Variants in ACVR2A observed in about 807,000 individuals in gnomAD.
The protein encoded by ACVR2A is activin receptor type-2A.
In ACVR2A, 7 loss-of-function variants were observed where a neutral mutation model predicts 61.4. That is an observed-to-expected ratio of 0.11 (90% CI 0.06 to 0.21). ACVR2A has a LOEUF of 0.21. ACVR2A is among the 10% of genes least tolerant of loss of function. The pLI, the probability that ACVR2A is intolerant of heterozygous loss-of-function variation, is 1.00. For synonymous variants in ACVR2A, 193 were observed against 208.3 expected, an observed-to-expected ratio of 0.93 and a Z score of 0.63; for missense variants, 322 against 621.7, an observed-to-expected ratio of 0.52 and a Z score of 5.13.
rs1397173111 is a variant in ACVR2A, at chr2:147,927,499, T to C, written c.*225T>C. The C allele has an allele frequency of 2.5e-6, 1 of 402,824 alleles. No homozygotes were observed. Among genetic ancestry groups the C allele is most frequent in the Admixed American group, 4.5e-5 (1 of 22,062 alleles). The allele number at this position is 402,824 out of a possible 1,614,324, so 25.0% of individuals were successfully genotyped here. A position where few individuals can be genotyped will look rare whatever the true frequency, so the allele number is the denominator to read the frequency against. On this transcript the variant is annotated 3_prime_UTR_variant, in exon 11 of 11. Transcript: ENST00000241416. ...ACTAAGAGAAACCTTGCAAACTCTA[T>C]AAAGAAACTTTTGAAAAAGTGTACA...
intron 4 of ACVR2A, among the ~76,000 whole-genome samples, chr2:147,912,770 T>C (rs1031257094): frequency 4.6e-5 from 7 of 151,960 alleles, no homozygotes; most frequent in Admixed American, 3.9e-4. Flanking sequence ...CTTTGTGTAT[T>C]AAAGAATATT....
At chr2:147,875,511 A>G (rs1485567401) in intron 1 of ACVR2A, among the ~76,000 whole-genome samples, 1 of 152,096 alleles carries the variant, frequency 6.6e-6, no homozygotes, top group Non-Finnish European at 1.5e-5. Context: ...ACTGCTTATT[A>G]AAAATGCAGA....
chr2:147,883,553 G>A (rs1204085746), intron 1 of ACVR2A, among the ~76,000 whole-genome samples: 2 of 152,012 alleles, frequency 1.3e-5, no homozygotes, highest in Non-Finnish European at 2.9e-5. Context: ...AAGACATTGA[G>A]ATTTTTTTTT....
rs13430086 is a variant in ACVR2A at position 147,929,492 on chromosome 2, A to T, written c.*2218A>T. The T allele has an allele frequency of 0.3, 45,792 of 152,284 alleles. 8,453 individuals are homozygous for T. The highest frequency in any genetic ancestry group is 0.47 in the South Asian group (2,256 of 4,818). The allele number at this position is 152,284 out of a possible 1,614,324, so 9.4% of individuals were successfully genotyped here. A position where few individuals can be genotyped will look rare whatever the true frequency, so the allele number is the denominator to read the frequency against. On this transcript the variant is annotated 3_prime_UTR_variant, in exon 11 of 11. Coordinates refer to ENST00000241416, the MANE Select transcript of ACVR2A (RefSeq NM_001616.5). ...ATAAAATGTTTTCAAGTTAGAAAAAATTTTTAGAAATCCTGGGTATTGTAT... is the reference window on the plus strand; with the variant it reads ...ATAAAATGTTTTCAAGTTAGAAAAATTTTTTAGAAATCCTGGGTATTGTAT...
chr2:147,844,769 C>T, upstream of ACVR2A: 1 of 163,152 alleles, frequency 6.1e-6, no homozygotes, highest in East Asian at 1.7e-4. Flanking sequence ...GACGCCGCTG[C>T]CGCCGCCGCC....
intron 3 of ACVR2A, 74 bp from the exon 4 acceptor site, chr2:147,899,670 T>G (rs1278338281): frequency 1.7e-5 from 27 of 1,588,590 alleles, no homozygotes; most frequent in Non-Finnish European, 2.0e-5. Flanking sequence ...CCCCAAAATT[T>G]GAGACTATGA....
At chr2:147,889,834 G>C (rs1686539413) in intron 1 of ACVR2A, among the ~76,000 whole-genome samples, 2 of 150,948 alleles carry the variant, frequency 1.3e-5, no homozygotes, top group African/African-American at 4.9e-5. Flanking sequence ...TTTTTTAATG[G>C]TAGGAAGAAT....
chr2:147,878,875 C>T (rs758400227), intron 1 of ACVR2A, among the ~76,000 whole-genome samples: 1 of 151,860 alleles, frequency 6.6e-6, no homozygotes, highest in Non-Finnish European at 1.5e-5. Flanking sequence ...TGCCACTGCA[C>T]TCCAGCCTGG....
In ACVR2A at chr2:147,923,036, G is replaced by A; in HGVS notation, c.1141G>A (p.Ala381Thr). Residue 381 changes from alanine to threonine, a missense_variant, in exon 9 of 11, where the codon GCA becomes ACA. Ala to Thr is a moderately conservative substitution (Grantham distance 58). This residue lies in a region of ACVR2A where 146 missense variants were observed against 383.8 expected (regional missense o/e 0.38). Coordinates refer to ENST00000241416, the MANE Select transcript of ACVR2A (RefSeq NM_001616.5). Reference sequence around the variant, plus strand: ...GGGTGCTATAAACTTCCAAAGGGATGCATTTTTGAGGATAGATATGTATGC... The same window carrying A: ...GGGTGCTATAAACTTCCAAAGGGATACATTTTTGAGGATAGATATGTATGC... ...LEGAINFQRD[A>T]FLRIDMYAMG... is the part of the protein sequence containing the mutation. 3 of 1,613,422 alleles carry A rather than the reference G, an allele frequency of 1.9e-6. No homozygotes were observed. Among genetic ancestry groups the A allele is most frequent in the Non-Finnish European group, 1.7e-6 (2 of 1,179,550 alleles).
intron 1 of ACVR2A, 141 bp downstream of exon 1, chr2:147,845,348 G>GCCCCCCCCCC (rs557975990): frequency 3.0e-5 from 7 of 231,112 alleles, no homozygotes; most frequent in African/African-American, 2.8e-4. Flanking sequence ...GGCTGCCACC[G>GCCCCCCCCCC]CCCCCCCCCC....
intron 4 of ACVR2A, among the ~76,000 whole-genome samples, chr2:147,907,608 G>C (rs1687017573): frequency 6.6e-6 from 1 of 152,204 alleles, no homozygotes; most frequent in African/African-American, 2.4e-5. Flanking sequence ...GGCATTCATA[G>C]ATGAAGTGAC....
At chr2:147,914,993 C>T (rs1468990830) in intron 4 of ACVR2A, among the ~76,000 whole-genome samples, 198 bp from the exon 5 acceptor site, 1 of 151,914 alleles carries the variant, frequency 6.6e-6, no homozygotes, top group Non-Finnish European at 1.5e-5. Context: ...TTATGAAACT[C>T]TGAATTCAGG....
At chr2:147,858,455 T>C (rs1373626638) in intron 1 of ACVR2A, among the ~76,000 whole-genome samples, 1 of 152,212 alleles carries the variant, frequency 6.6e-6, no homozygotes, top group Non-Finnish European at 1.5e-5. Context: ...AGGCTCTGTA[T>C]GATATGGCCC....
intron 1 of ACVR2A, among the ~76,000 whole-genome samples, chr2:147,870,758 C>T (rs1295503620): frequency 6.6e-6 from 1 of 152,024 alleles, no homozygotes; most frequent in Non-Finnish European, 1.5e-5. Context: ...AATGAGTTTC[C>T]TTTTTCATTA....
At chr2:147,850,089 C>G (rs916068730) in intron 1 of ACVR2A, among the ~76,000 whole-genome samples, 5 of 152,106 alleles carry the variant, frequency 3.3e-5, no homozygotes, top group African/African-American at 1.2e-4. Context: ...ACTGGTATGC[C>G]TTAGCTTTTT....
In ACVR2A at chr2:147,927,642, ACTG is replaced by A. The variant is rs1687534705; in HGVS notation, c.*371_*373del. 1.8e-5 allele frequency: 3 copies of A among 163,196 alleles called. No individual in the cohort carries two copies. Among genetic ancestry groups the A allele is most frequent in the Admixed American group, 1.3e-4 (2 of 15,490 alleles). 10.1% of individuals were successfully genotyped at this position (163,196 alleles called of 1,614,324 possible). On this transcript the variant is annotated 3_prime_UTR_variant, in exon 11 of 11. Coordinates refer to ENST00000241416, the MANE Select transcript of ACVR2A (RefSeq NM_001616.5). ...AAGACACTAATTCCTTAAATGAACT[ACTG>A]CTATTTTTTTTAAATCAAAAACTTT...
At chr2:147,908,055 GAAAAA>G (rs1038557736) in intron 4 of ACVR2A, among the ~76,000 whole-genome samples, 2 of 121,296 alleles carry the variant, frequency 1.6e-5, no homozygotes, top group Non-Finnish European at 3.7e-5. Context: ...AAAAAAAAAA[GAAAAA>G]AAAGAAAAAA....
chr2:147,889,463 G>A (rs1409163144), intron 1 of ACVR2A, among the ~76,000 whole-genome samples: 2 of 152,058 alleles, frequency 1.3e-5, no homozygotes, highest in African/African-American at 4.8e-5. Context: ...GTAGACTTTT[G>A]GCCGGGCGCA....
chr2:147,897,806 C>T (rs1298325178), intron 2 of ACVR2A, among the ~76,000 whole-genome samples: 1 of 152,028 alleles, frequency 6.6e-6, no homozygotes, highest in Non-Finnish European at 1.5e-5. Flanking sequence ...TGTGAATTTT[C>T]CAGGGATTAT....
Sources: gnomAD v4.1 joint callset for allele counts (sites outside exome capture counted in the v4.1 genomes callset) on GRCh38, gnomAD v4.1.1 for gene constraint, gnomAD v4.1.1 regional missense constraint, MANE v1.5 for transcripts, NCBI Gene and HGNC (gene_info 2026-07-23, HGNC 2026-07-21) for gene names.